Variants in SH2D3A observed in about 807,000 individuals in gnomAD.
The protein encoded by SH2D3A is SH2 domain containing 3A.
SH2D3A carries 46 observed loss-of-function variants against 50.6 expected under a neutral mutation model. That is an observed-to-expected ratio of 0.91 (90% CI 0.72 to 1.16). The LOEUF (loss-of-function observed/expected upper bound fraction) is 1.16. SH2D3A is among the 50% of genes most tolerant of loss of function. The pLI, the probability that SH2D3A is intolerant of heterozygous loss-of-function variation, is 0.00. For synonymous variants in SH2D3A, 377 were observed against 348.4 expected, an observed-to-expected ratio of 1.08 and a Z score of -0.91; for missense variants, 783 against 786.2, an observed-to-expected ratio of 1.00 and a Z score of 0.05.
Position 6,767,399 on chromosome 19 carries a change from C to T in SH2D3A, c.-81G>A, listed in dbSNP as rs1165593265. ...GGGCTCCACTCACCTGGGCAGGACC[C>T]GCGGGGCTCCCACGAGGCTGGGTCC... On this transcript the variant is annotated 5_prime_UTR_variant, in exon 1 of 10. Transcript: ENST00000245908. 6.6e-6 allele frequency: 1 copy of T among 152,334 alleles called. No individual in the cohort carries two copies. The highest frequency in any genetic ancestry group is 2.4e-5 in the African/African-American group (1 of 41,446). The allele number at this position is 152,334 out of a possible 1,614,324, so 9.4% of individuals were successfully genotyped here. A position where few individuals can be genotyped will look rare whatever the true frequency, so the allele number is the denominator to read the frequency against.
At chr19:6,764,015 C>T (rs1467836847) in intron 1 of SH2D3A, 199 bp from the exon 2 acceptor site, 7 of 198,920 alleles carry the variant, frequency 3.5e-5, no homozygotes, top group Non-Finnish European at 6.0e-5. Flanking sequence ...CAGATTCAAG[C>T]GATTCTCCTG....
intron 4 of SH2D3A, among the ~76,000 whole-genome samples, chr19:6,755,593 T>G (rs2145583877): frequency 6.6e-6 from 1 of 151,542 alleles, no homozygotes; most frequent in East Asian, 2.0e-4. Context: ...CTCACTGTGT[T>G]GCCCAGGCTG....
At chr19:6,759,444 T>C in intron 4 of SH2D3A, 150 bp downstream of exon 4, 1 of 700,874 alleles carries the variant, frequency 1.4e-6, no homozygotes, top group Non-Finnish European at 2.5e-6. Flanking sequence ...ACCCACAAAG[T>C]CCCTGCATGT....
chr19:6,765,396 G>A (rs1347592364), intron 1 of SH2D3A, among the ~76,000 whole-genome samples: 1 of 151,990 alleles, frequency 6.6e-6, no homozygotes, highest in Non-Finnish European at 1.5e-5. Context: ...CAACCTATGC[G>A]CACACTCAGA....
At chr19:6,761,115 A>G in intron 2 of SH2D3A, 128 bp from the exon 3 acceptor site, 1 of 716,684 alleles carries the variant, frequency 1.4e-6, no homozygotes, top group Non-Finnish European at 2.3e-6. Context: ...GTGGCAGGCA[A>G]AGACGGGGAA....
At position 6,755,116 on chromosome 19, in the gene SH2D3A, G is replaced by T. The variant is rs199547986; in HGVS notation, c.696C>A (p.Cys232Ter). 1 of 1,614,018 alleles carries T rather than the reference G, an allele frequency of 6.2e-7. No homozygotes were observed. The highest frequency in any genetic ancestry group is 1.3e-5 in the African/African-American group (1 of 75,022). Residue 232 changes from cysteine to a stop codon, truncating the protein, a stop_gained, in exon 5 of 10, where the codon TGC (cysteine) becomes TGA (stop). Transcript: ENST00000245908. LOFTEE classifies it high-confidence loss of function. ...PDASERPPTYCELVPRVPSVQ... is the reference protein window; with the variant it reads ...PDASERPPTY ...CACTGGGCACTCGGGGCACCAGCTC[G>T]CAGTACGTCGGGGGACGTTCAGAGG...
chr19:6,763,903 A>ATTTTTT (rs1568270967), intron 1 of SH2D3A, 87 bp from the exon 2 acceptor site: 7 of 266,814 alleles, frequency 2.6e-5, no homozygotes, highest in South Asian at 1.5e-4. Context: ...GCTCCATCAA[A>ATTTTTT]TCTTTTTTTT....
Position 6,763,769 on chromosome 19 carries a change from G to A in SH2D3A, c.-21C>T, listed in dbSNP as rs745490872. 6.2e-7 allele frequency: 1 copy of A among 1,610,064 alleles called. No individual in the cohort carries two copies. The highest frequency in any genetic ancestry group is 8.5e-7 in the Non-Finnish European group (1 of 1,178,078). On this transcript the variant is annotated 5_prime_UTR_variant, in exon 2 of 10. Coordinates refer to ENST00000245908, the MANE Select transcript of SH2D3A (RefSeq NM_005490.3). ...TGCATGGAGCTCTTGGGAACAGAGGGTGCCAGGGCTGAGCTCTGCACTTTC... is the reference window on the plus strand; with the variant it reads ...TGCATGGAGCTCTTGGGAACAGAGGATGCCAGGGCTGAGCTCTGCACTTTC...
In SH2D3A at chr19:6,752,411, C is replaced by T; in HGVS notation, c.*182G>A. Reference sequence around the variant, plus strand: ...ACATTTGAACTCTGGCCTCTGATGCCAGATCTGCAGGTCACATGTTCACCA... The same window carrying T: ...ACATTTGAACTCTGGCCTCTGATGCTAGATCTGCAGGTCACATGTTCACCA... On this transcript the variant is annotated 3_prime_UTR_variant, in exon 10 of 10. Transcript: ENST00000245908. The T allele has an allele frequency of 2.2e-6, 1 of 464,068 alleles. No individual in the cohort carries two copies. Among genetic ancestry groups the T allele is most frequent in the Non-Finnish European group, 3.6e-6 (1 of 277,054 alleles). 28.7% of individuals were successfully genotyped at this position (464,068 alleles called of 1,614,324 possible).
intron 1 of SH2D3A, 73 bp from the exon 2 acceptor site, chr19:6,763,889 G>C: frequency 3.4e-5 from 10 of 297,138 alleles, no homozygotes; most frequent in East Asian, 7.1e-5. Context: ...TAATTTTGGA[G>C]ACAGCTCCAT....
intron 6 of SH2D3A, 47 bp downstream of exon 6, chr19:6,754,569 G>C (rs1328966219): frequency 1.9e-6 from 3 of 1,607,010 alleles, no homozygotes; most frequent in Non-Finnish European, 1.7e-6. Flanking sequence ...CTTGGGAAGT[G>C]GGGGGAATTG....
rs1218681430 is a variant in SH2D3A, at chr19:6,754,885, G to A, written c.927C>T (p.Phe309=). 14 of 1,601,046 alleles carry A rather than the reference G, an allele frequency of 8.7e-6. No individual in the cohort carries two copies. The highest frequency in any genetic ancestry group is 1.2e-5 in the Non-Finnish European group (14 of 1,172,064). The part of the protein sequence containing the change: ...PQVLHTLRGL[F]LEHHPGSTAL... ...CGGTGCTCCCAGGATGGTGCTCCAG[G>A]AACAGGCCACGGAGGGTATGCAGGA... Residue 309 remains phenylalanine, a synonymous_variant, in exon 5 of 10, where the codon TTC becomes TTT. Transcript: ENST00000245908.
rs376833079 is a variant in SH2D3A, at chr19:6,753,450, G to T, written c.1570+6C>A. On this transcript the variant is annotated splice_donor_region_variant and intron_variant, in intron 9 of 9. Transcript: ENST00000245908. ...GTCTGCAGTCCAGCGCAGAGGGAAC[G>T]CTCACCTCGCAGGCGCTGGGCTGCC... The T allele has an allele frequency of 6.7e-6, 10 of 1,496,168 alleles. No homozygotes were observed. The highest frequency in any genetic ancestry group is 1.7e-4 in the Middle Eastern group (1 of 5,740). 92.7% of individuals were successfully genotyped at this position (1,496,168 alleles called of 1,614,324 possible).
At position 6,753,536 on chromosome 19, in the gene SH2D3A, A is replaced by G. The variant is rs924748552; in HGVS notation, c.1490T>C (p.Leu497Pro). 3.2e-5 allele frequency: 50 copies of G among 1,566,368 alleles called. No individual in the cohort carries two copies. The highest frequency in any genetic ancestry group is 4.3e-5 in the Non-Finnish European group (50 of 1,156,286). The change falls in exon 9 of 10, where the codon CTG becomes CCG. Residue 497 changes from leucine to proline, a missense_variant. Leu to Pro is a moderately conservative substitution (Grantham distance 98). Coordinates refer to ENST00000245908, the MANE Select transcript of SH2D3A (RefSeq NM_005490.3). ...AGPLDESCER[L>P]LRTLHGARHM... ...ACGCGCCCCGTGCAGGGTGCGCAAC[A>G]GCCGCTCACAGCTCTCGTCCAGCGG...
rs373212333 is a variant in SH2D3A, at chr19:6,754,088, G to A, written c.1348C>T (p.Leu450=). 80 of 1,612,422 alleles carry A rather than the reference G, an allele frequency of 5.0e-5. No homozygotes were observed. The highest frequency in any genetic ancestry group is 6.2e-5 in the Non-Finnish European group (73 of 1,179,238). ...TEAALAFEQE[L]KPLMRALDEG... ...TCCAGAGCCCGCATCAGCGGCTTCA[G>A]CTCCTGCTCAAAGGCCAGCGCAGCC... The change falls in exon 8 of 10, where the codon CTG becomes TTG. Residue 450 remains leucine (L), a synonymous_variant. Coordinates refer to ENST00000245908, the MANE Select transcript of SH2D3A (RefSeq NM_005490.3).
At position 6,753,538 on chromosome 19, in the gene SH2D3A, C is replaced by T; in HGVS notation, c.1488G>A (p.Arg496=). Residue 496 remains arginine, a synonymous_variant, in exon 9 of 10, where the codon CGG becomes CGA. Coordinates refer to ENST00000245908, the MANE Select transcript of SH2D3A (RefSeq NM_005490.3). Reference sequence around the variant, plus strand: ...GCGCCCCGTGCAGGGTGCGCAACAGCCGCTCACAGCTCTCGTCCAGCGGCC... The same window carrying T: ...GCGCCCCGTGCAGGGTGCGCAACAGTCGCTCACAGCTCTCGTCCAGCGGCC... The part of the protein sequence containing the change: ...VAGPLDESCE[R]LLRTLHGARH... 1 of 1,567,410 alleles carries T rather than the reference C, an allele frequency of 6.4e-7. No individual in the cohort carries two copies. Among genetic ancestry groups the T allele is most frequent in the Non-Finnish European group, 8.6e-7 (1 of 1,156,752 alleles).
At position 6,753,922 on chromosome 19, in the gene SH2D3A, T is replaced by C; in HGVS notation, c.1384+130A>G. The C allele has an allele frequency of 3.4e-6, 4 of 1,179,830 alleles. No homozygotes were observed. The South Asian group carries it at 6.7e-5, about 20-fold the overall frequency. 73.1% of individuals were successfully genotyped at this position (1,179,830 alleles called of 1,614,324 possible). On this transcript the variant is annotated intron_variant, in intron 8 of 9. Coordinates refer to ENST00000245908, the MANE Select transcript of SH2D3A (RefSeq NM_005490.3). ...GAAAGGGCCAGGACCAACCCTCATG[T>C]GGAGGGCGGGGCCTATGGTGAAGGG...
In SH2D3A at chr19:6,762,681, C is replaced by CT. The variant is rs941083340; in HGVS notation, c.69+998dup. 3.6e-3 allele frequency among the ~76,000 whole-genome samples: 462 copies of CT among 126,762 alleles called. 2 individuals are homozygous for CT. The highest frequency in any genetic ancestry group is 5.3e-3 in the Admixed American group (65 of 12,332). The allele number at this position is 126,762 out of a possible 152,430, so 83.2% of individuals were successfully genotyped here. On this transcript the variant is annotated intron_variant, in intron 2 of 9. Coordinates refer to ENST00000245908, the MANE Select transcript of SH2D3A (RefSeq NM_005490.3). ...GCCACCCATGCCTGGATAATTTTCG[C>CT]TTTTTTTTTTTTTTTTGTGTAGAGA...
intron 4 of SH2D3A, among the ~76,000 whole-genome samples, chr19:6,756,932 G>A (rs1671905841): frequency 6.6e-6 from 1 of 151,694 alleles, no homozygotes; most frequent in Admixed American, 6.6e-5. Context: ...GTGCAGTGGC[G>A]CCATCTCGGC....
Sources: allele counts gnomAD v4.1 joint callset (sites outside exome capture counted in the v4.1 genomes callset), GRCh38; gene constraint gnomAD v4.1.1; transcripts MANE v1.5; gene names NCBI Gene and HGNC (gene_info 2026-07-23, HGNC 2026-07-21).